Variants in HIVEP3 observed in about 807,000 individuals in gnomAD.
HIVEP3 encodes the protein HIVEP zinc finger 3, also known as transcription factor HIVEP3.
HIVEP3 carries 49 observed loss-of-function variants against 152.8 expected under a neutral mutation model. The observed-to-expected ratio is 0.32, with a 90% CI of 0.26 to 0.41. The LOEUF (loss-of-function observed/expected upper bound fraction) is 0.41, where lower values mean the gene tolerates loss of function less well. Ranked by LOEUF, HIVEP3 falls within the 10% of genes least tolerant of loss-of-function variation. The pLI, the probability that HIVEP3 is intolerant of heterozygous loss-of-function variation, is 1.00. For synonymous variants in HIVEP3, 1,269 were observed against 1,289.0 expected (o/e 0.98, Z 0.33); for missense variants, 2,790 against 3,103.3 (o/e 0.90, Z 2.40).
intron 1 of HIVEP3, among the ~76,000 whole-genome samples, chr1:41,897,511 C>T (rs186397338): frequency 2.0e-5 from 3 of 152,148 alleles, no homozygotes; most frequent in Admixed American, 6.5e-5. Context: ...AACAGGCCCT[C>T]GTCAACACTG....
chr1:41,876,905 A>G (rs1439941185), intron 1 of HIVEP3, among the ~76,000 whole-genome samples: 1 of 152,184 alleles, frequency 6.6e-6, no homozygotes, highest in Admixed American at 6.5e-5. Flanking sequence ...GGAAACAGCA[A>G]AAGGAAAACT....
intron 5 of HIVEP3, among the ~76,000 whole-genome samples, chr1:41,540,919 T>G (rs1643515165): frequency 7.0e-6 from 1 of 143,180 alleles, no homozygotes; most frequent in Non-Finnish European, 1.6e-5. Flanking sequence ...GTCCAGCGGG[T>G]TTAGCTGGAC....
intron 1 of HIVEP3, among the ~76,000 whole-genome samples, chr1:41,749,432 G>GTGTGTGGGTGTGTGTGTGT (rs57099184): frequency 6.6e-6 from 1 of 151,038 alleles, no homozygotes; most frequent in East Asian, 1.9e-4. Context: ...GTGTGTGTGT[G>GTGTGTGGGTGTGTGTGTGT]ATGGAGAGAC....
intron 3 of HIVEP3, among the ~76,000 whole-genome samples, chr1:41,625,859 C>T (rs1292825953): frequency 6.6e-6 from 1 of 152,070 alleles, no homozygotes; most frequent in Admixed American, 6.5e-5. Flanking sequence ...AAAATTTGAA[C>T]TTAAAAAATA....
intron 4 of HIVEP3, 68 bp from the exon 5 acceptor site, chr1:41,575,757 C>T (rs1315270796): frequency 9.1e-6 from 14 of 1,535,476 alleles, no homozygotes; most frequent in South Asian, 4.6e-5. Context: ...GAATGCAATG[C>T]TAATAATCAT....
chr1:41,820,381 G>A (rs1642557523), intron 1 of HIVEP3, among the ~76,000 whole-genome samples: 1 of 152,150 alleles, frequency 6.6e-6, no homozygotes, highest in Non-Finnish European at 1.5e-5. Flanking sequence ...GATAGTCCTA[G>A]TTAACACATG....
intron 3 of HIVEP3, among the ~76,000 whole-genome samples, chr1:41,612,798 G>C (rs754729784): frequency 3.9e-5 from 6 of 152,230 alleles, no homozygotes; most frequent in Non-Finnish European, 8.8e-5. Flanking sequence ...GCCTCCTTCA[G>C]GGTACCACAG....
intron 1 of HIVEP3, among the ~76,000 whole-genome samples, chr1:42,009,262 C>T (rs776806634): frequency 6.6e-6 from 1 of 152,136 alleles, no homozygotes; most frequent in Non-Finnish European, 1.5e-5. Flanking sequence ...AATCTACTTC[C>T]TATTTCTTTG....
At chr1:41,616,620 C>CTTTT (rs34266558) in intron 3 of HIVEP3, among the ~76,000 whole-genome samples, 2 of 112,466 alleles carry the variant, frequency 1.8e-5, no homozygotes, top group African/African-American at 7.0e-5. Context: ...GATGGGGAGC[C>CTTTT]TTTTTTTTTT....
At chr1:41,650,485 T>C (rs981173530) in intron 2 of HIVEP3, among the ~76,000 whole-genome samples, 1 of 152,124 alleles carries the variant, frequency 6.6e-6, no homozygotes, top group African/African-American at 2.4e-5. Context: ...TAATCTCATC[T>C]AATCATCACA....
chr1:41,664,726 T>C lies in HIVEP3; in HGVS notation c.-720-35779A>G, dbSNP rs1645767712. ...TGGCTGATGTCCTAGGGTCCCTGGCTGGGGGCTGGGATGAAAGGCGGGGTT... is the reference window on the plus strand; with the variant it reads ...TGGCTGATGTCCTAGGGTCCCTGGCCGGGGGCTGGGATGAAAGGCGGGGTT... On this transcript the variant is annotated intron_variant, in intron 2 of 8. Coordinates refer to ENST00000372583, the MANE Select transcript of HIVEP3 (RefSeq NM_024503.5). The surrounding 1 kb of genome is among the most constrained non-coding windows in gnomAD (Gnocchi z 4.4). 6.6e-6 allele frequency among the ~76,000 whole-genome samples: 1 copy of C among 152,142 alleles called. No individual in the cohort carries two copies. The highest frequency in any genetic ancestry group is 1.5e-5 in the Non-Finnish European group (1 of 68,010).
chr1:41,813,742 C>A (rs143768664), intron 1 of HIVEP3, among the ~76,000 whole-genome samples: 1 of 152,272 alleles, frequency 6.6e-6, no homozygotes, highest in Non-Finnish European at 1.5e-5. Context: ...GCTGGGGAAC[C>A]CCACCCCTGC....
In HIVEP3 at chr1:41,582,628, CG is replaced by C; in HGVS notation, c.2169del (p.Asp723GlufsTer137). On this transcript the variant is annotated frameshift_variant, in exon 4 of 9. Coordinates refer to ENST00000372583, the MANE Select transcript of HIVEP3 (RefSeq NM_024503.5). LOFTEE classifies it high-confidence loss of function. This position sits in a 1 kb window ranked among gnomAD's most constrained non-coding sequence, Gnocchi z 4.7. ...GACTCAAAGGCAGGTGGCTCTTCCT[CG>C]TCCCCAAGGCTCTTCTCTTTCCTCC... ...RKRRKEKSLG[D>X]EEEPPAFEST... The C allele has an allele frequency of 6.2e-7, 1 of 1,613,680 alleles. No homozygotes were observed. The highest frequency in any genetic ancestry group is 1.7e-5 in the Admixed American group (1 of 59,942).
At chr1:41,804,693 T>C (rs569397856) in intron 1 of HIVEP3, among the ~76,000 whole-genome samples, 1 of 152,356 alleles carries the variant, frequency 6.6e-6, no homozygotes, top group East Asian at 1.9e-4. Flanking sequence ...TATGGCTTGA[T>C]TCATAACAAT....
chr1:41,907,278 CA>C (rs1644728752), intron 1 of HIVEP3, among the ~76,000 whole-genome samples: 6 of 152,254 alleles, frequency 3.9e-5, no homozygotes, highest in Admixed American at 3.9e-4. Context: ...TAGTTAGGGA[CA>C]GGGGTAGGGG....
chr1:41,721,276 C>T (rs895950283), intron 1 of HIVEP3, among the ~76,000 whole-genome samples: 3 of 151,712 alleles, frequency 2.0e-5, no homozygotes, highest in African/African-American at 4.9e-5. Context: ...GGAGCGATCT[C>T]GGCTCACTGC....
chr1:41,556,546 T>C (rs1643969305), intron 5 of HIVEP3, among the ~76,000 whole-genome samples: 1 of 152,256 alleles, frequency 6.6e-6, no homozygotes, highest in South Asian at 2.1e-4. Flanking sequence ...CCTTATCAAA[T>C]ATATGATTTG....
At chr1:41,659,734 CA>C (rs1645683325) in intron 2 of HIVEP3, among the ~76,000 whole-genome samples, 2 of 152,218 alleles carry the variant, frequency 1.3e-5, no homozygotes, top group African/African-American at 4.8e-5. Context: ...AATAGTCGGC[CA>C]ATATCCACAA....
chr1:41,897,591 C>T (rs1466146046), intron 1 of HIVEP3, among the ~76,000 whole-genome samples: 1 of 152,120 alleles, frequency 6.6e-6, no homozygotes, highest in Non-Finnish European at 1.5e-5. Flanking sequence ...ATTACCCATT[C>T]TAAGGTATTT....
Sources: gnomAD v4.1 joint callset for allele counts (sites outside exome capture counted in the v4.1 genomes callset) on GRCh38, gnomAD v4.1.1 for gene constraint, Gnocchi (gnomAD v3.1) non-coding constraint, MANE v1.5 for transcripts, NCBI Gene and HGNC (gene_info 2026-07-23, HGNC 2026-07-21) for gene names.